Variants in TFEC observed in about 807,000 individuals in gnomAD.
The protein encoded by TFEC is transcription factor EC, also known as class E basic helix-loop-helix protein 34.
Under a neutral mutation model 41.6 loss-of-function variants are expected in TFEC, and 31 were observed. The observed-to-expected ratio is 0.74, with a 90% CI of 0.56 to 1.01. The LOEUF is 1.01. Among genes scored for constraint, TFEC ranks in the 50% least tolerant of loss-of-function variants. The probability of loss-of-function intolerance (pLI) is 0.00; values close to 1 mark genes in which losing one functional copy is unlikely to be tolerated. For missense variants in TFEC, 402 were observed against 404.1 expected (o/e 0.99, Z 0.04); for synonymous variants, 143 against 140.6 (o/e 1.02, Z -0.12).
upstream of TFEC, among the ~76,000 whole-genome samples, chr7:116,035,638 C>T (rs1398025959): frequency 6.6e-6 from 1 of 151,932 alleles, no homozygotes; most frequent in African/African-American, 2.4e-5. Flanking sequence ...ATATTAAACA[C>T]ACGATAAGAC....
At chr7:115,975,262 C>T (rs1208449955) in intron 2 of TFEC, among the ~76,000 whole-genome samples, 2 of 151,936 alleles carry the variant, frequency 1.3e-5, no homozygotes, top group Non-Finnish European at 2.9e-5. Context: ...GCTCTCTTTG[C>T]TTCCATCATA....
chr7:116,155,177 C>G (rs1206863305), intron 1 of TFEC, among the ~76,000 whole-genome samples: 3 of 152,168 alleles, frequency 2.0e-5, no homozygotes, highest in Non-Finnish European at 4.4e-5. Flanking sequence ...CTGATGAATG[C>G]TACATATGTG....
chr7:116,014,327 G>A (rs1002536610), intron 1 of TFEC, among the ~76,000 whole-genome samples: 33 of 152,010 alleles, frequency 2.2e-4, no homozygotes, highest in African/African-American at 7.7e-4. Context: ...AAATTTCTTT[G>A]TACGATTTTT....
chr7:116,144,976 T>C (rs964540162), intron 1 of TFEC, among the ~76,000 whole-genome samples: 9 of 152,190 alleles, frequency 5.9e-5, no homozygotes, highest in African/African-American at 2.2e-4. Flanking sequence ...ATAGATTCTG[T>C]TTCTCTGAGG....
At chr7:116,100,563 G>A (rs1314098674) in intron 3 of TFEC, among the ~76,000 whole-genome samples, 2 of 150,810 alleles carry the variant, frequency 1.3e-5, no homozygotes, top group Non-Finnish European at 3.0e-5. Flanking sequence ...CATAGGTGTA[G>A]AGCGAACAAG....
chr7:115,974,450 A>ATATATATATAT (rs1491505885), intron 2 of TFEC, among the ~76,000 whole-genome samples, 194 bp from the exon 3 acceptor site: 139 of 27,826 alleles, frequency 5.0e-3, no homozygotes, highest in Non-Finnish European at 6.5e-3. Context: ...ATATATATAT[A>ATATATATATAT]AAAACACAGA....
intron 1 of TFEC, among the ~76,000 whole-genome samples, chr7:116,127,752 G>T (rs1350347595): frequency 2.0e-5 from 3 of 149,488 alleles, no homozygotes; most frequent in African/African-American, 4.9e-5. Flanking sequence ...TGTGAAAGAA[G>T]ACATAAATTT....
intron 3 of TFEC, among the ~76,000 whole-genome samples, chr7:115,963,026 G>A (rs768230545): frequency 4.9e-5 from 7 of 142,038 alleles, no homozygotes; most frequent in African/African-American, 1.0e-4. Context: ...GACCAGCCCC[G>A]GTGTTTGATA....
intron 1 of TFEC, among the ~76,000 whole-genome samples, chr7:116,024,115 T>C (rs1795499798): frequency 6.6e-6 from 1 of 152,164 alleles, no homozygotes; most frequent in Non-Finnish European, 1.5e-5. Context: ...CTTTCTTTTA[T>C]GAAATAGAGC....
chr7:115,997,547 A>G (rs1170839932), intron 1 of TFEC, among the ~76,000 whole-genome samples: 1 of 151,060 alleles, frequency 6.6e-6, no homozygotes, highest in Admixed American at 6.6e-5. Context: ...CCCAGACACC[A>G]ACAAACATCC....
intron 3 of TFEC, among the ~76,000 whole-genome samples, chr7:116,049,227 AG>A (rs1466842516): frequency 6.6e-6 from 1 of 152,216 alleles, no homozygotes; most frequent in African/African-American, 2.4e-5. Flanking sequence ...TGCTGTATTC[AG>A]GAGACCCATC....
chr7:115,959,483 T>C (rs762281786), intron 3 of TFEC, among the ~76,000 whole-genome samples: 1 of 151,822 alleles, frequency 6.6e-6, no homozygotes, highest in Non-Finnish European at 1.5e-5. Flanking sequence ...CACTGCTATC[T>C]ACAGTAACTA....
chr7:116,022,905 G>C (rs76629911), intron 1 of TFEC, among the ~76,000 whole-genome samples: 5,298 of 152,160 alleles, frequency 0.035, 307 homozygotes, highest in African/African-American at 0.12. Context: ...GGTAGATCAG[G>C]TTTACAAATG....
intron 7 of TFEC, chr7:115,941,158 T>C (rs143641151): frequency 8.5e-6 from 4 of 468,456 alleles, no homozygotes; most frequent in South Asian, 3.2e-5. Context: ...GTCTCATTGT[T>C]CTACAAAGGT....
At chr7:116,017,774 C>T (rs1025527571) in intron 1 of TFEC, among the ~76,000 whole-genome samples, 2 of 152,206 alleles carry the variant, frequency 1.3e-5, no homozygotes, top group African/African-American at 4.8e-5. Flanking sequence ...TGGCTTCTCT[C>T]TTTTCAGGAA....
chr7:116,099,411 C>T (rs529213152), intron 3 of TFEC, among the ~76,000 whole-genome samples: 3 of 152,164 alleles, frequency 2.0e-5, no homozygotes, highest in African/African-American at 4.8e-5. Context: ...TCACACCTCC[C>T]TCTATCCACT....
intron 1 of TFEC, among the ~76,000 whole-genome samples, chr7:116,011,089 A>G (rs1794983212): frequency 6.6e-6 from 1 of 152,164 alleles, no homozygotes; most frequent in Admixed American, 6.6e-5. Context: ...TCTTTATTCC[A>G]GTTAGAGTAA....
chr7:116,033,271 T>C (rs1795831432), upstream of TFEC, among the ~76,000 whole-genome samples: 1 of 152,078 alleles, frequency 6.6e-6, no homozygotes, highest in Non-Finnish European at 1.5e-5. Context: ...AGGAATTTGG[T>C]TAAGAGTCAG....
intron 3 of TFEC, among the ~76,000 whole-genome samples, chr7:116,091,884 A>G (rs1001782353): frequency 2.6e-5 from 4 of 152,118 alleles, no homozygotes; most frequent in Non-Finnish European, 1.5e-5. Flanking sequence ...AAAAAGAAGT[A>G]GTAAGATATA....
Sources: gnomAD v4.1 joint callset for allele counts (sites outside exome capture counted in the v4.1 genomes callset) on GRCh38, gnomAD v4.1.1 for gene constraint, MANE v1.5 for transcripts, NCBI Gene and HGNC (gene_info 2026-07-23, HGNC 2026-07-21) for gene names.